The following UBE2F variants were observed in gnomAD, a reference collection of about 807,000 sequenced individuals.
The protein encoded by UBE2F is ubiquitin conjugating enzyme E2 F (putative).
Under a neutral mutation model 29.6 loss-of-function variants are expected in UBE2F, and 5 were observed. The ratio of observed to expected loss-of-function variants is 0.17; its 90% CI spans 0.09 to 0.36. The LOEUF is 0.36. UBE2F is among the 10% of genes least tolerant of loss of function. The pLI, the probability that UBE2F is intolerant of heterozygous loss-of-function variation, is 1.00. For missense variants in UBE2F, 141 were observed against 228.5 expected, an observed-to-expected ratio of 0.62 and a Z score of 2.47; for synonymous variants, 66 against 81.8, an observed-to-expected ratio of 0.81 and a Z score of 1.04.
intron 7 of UBE2F, among the ~76,000 whole-genome samples, chr2:238,031,806 C>T (rs903023920): frequency 6.6e-6 from 1 of 152,210 alleles, no homozygotes; most frequent in Non-Finnish European, 1.5e-5. Context: ...AACTTATCTA[C>T]GACCGCAAGA....
At chr2:237,994,401 A>G (rs2063649399) in intron 3 of UBE2F, among the ~76,000 whole-genome samples, 2 of 152,162 alleles carry the variant, frequency 1.3e-5, no homozygotes, top group Admixed American at 6.5e-5. Flanking sequence ...GCCTGCATGT[A>G]TTAATCTCCC....
Position 237,967,935 on chromosome 2 carries a change from G to T in UBE2F, c.-17+803G>T, listed in dbSNP as rs2063093966. ...ACTCTGCATTCCCGACCGCCTGGAA[G>T]TGGGGGCAGGATGGGTTGGAATAGC... On this transcript the variant is annotated intron_variant, in intron 1 of 9. Transcript: ENST00000272930. This position sits in a 1 kb window ranked among gnomAD's most constrained non-coding sequence, Gnocchi z 6.3. 6.6e-6 allele frequency among the ~76,000 whole-genome samples: 1 copy of T among 152,294 alleles called. No individual in the cohort carries two copies. Among genetic ancestry groups the T allele is most frequent in the South Asian group, 2.1e-4 (1 of 4,824 alleles).
intron 2 of UBE2F, among the ~76,000 whole-genome samples, chr2:237,977,790 A>G (rs1387710387): frequency 6.6e-6 from 1 of 152,142 alleles, no homozygotes; most frequent in Non-Finnish European, 1.5e-5. Context: ...CAGAAAGATT[A>G]CTATAGTCAG....
At chr2:238,023,324 A>T (rs1275946801) in intron 5 of UBE2F, among the ~76,000 whole-genome samples, 1 of 152,206 alleles carries the variant, frequency 6.6e-6, no homozygotes, top group African/African-American at 2.4e-5. Context: ...AGAAAAGCAC[A>T]ATGTGAAATT....
At chr2:237,983,447 G>T (rs1289131603) in intron 2 of UBE2F, among the ~76,000 whole-genome samples, 1 of 152,106 alleles carries the variant, frequency 6.6e-6, no homozygotes, top group African/African-American at 2.4e-5. Context: ...GCCCTAGAAT[G>T]AGTGCATTTA....
At chr2:238,020,834 A>G (rs757878845) in intron 5 of UBE2F, among the ~76,000 whole-genome samples, 1 of 152,202 alleles carries the variant, frequency 6.6e-6, no homozygotes, top group Admixed American at 6.5e-5. Context: ...CGTGTCAGAC[A>G]CTGGAGGGCC....
At chr2:238,039,304 GA>G (rs1268886675) in intron 9 of UBE2F, among the ~76,000 whole-genome samples, 2 of 152,214 alleles carry the variant, frequency 1.3e-5, no homozygotes, top group Non-Finnish European at 2.9e-5. Context: ...GTGAGGTGGA[GA>G]GGGGGCCACA....
In UBE2F at chr2:238,025,101, C is replaced by T. The variant is rs149475009; in HGVS notation, c.283-241C>T. On this transcript the variant is annotated intron_variant, in intron 5 of 9. Transcript: ENST00000272930. ...CACATGGGGCTTGTAGAGAGGTGCT[C>T]AGAAGCCCACGGGTAGACTTTGCTG... is the stretch of plus-strand genomic sequence containing the variant. Among the ~76,000 whole-genome samples, 3 of 152,278 alleles carry T rather than the reference C, an allele frequency of 2.0e-5. No homozygotes were observed. In the East Asian group the frequency reaches 5.8e-4, roughly 29 times the overall value.
Position 237,967,066 on chromosome 2 carries a change from C to T in UBE2F, c.-83C>T, listed in dbSNP as rs2063068818. 6.0e-6 allele frequency: 8 copies of T among 1,325,150 alleles called. No homozygotes were observed. The highest frequency in any genetic ancestry group is 1.9e-5 in the South Asian group (1 of 52,940). 82.1% of individuals were successfully genotyped at this position (1,325,150 alleles called of 1,614,324 possible). A position where few individuals can be genotyped will look rare whatever the true frequency, so the allele number is the denominator to read the frequency against. On this transcript the variant is annotated 5_prime_UTR_variant, in exon 1 of 10. Coordinates refer to ENST00000272930, the MANE Select transcript of UBE2F (RefSeq NM_080678.3). The surrounding 1 kb of genome is among the most constrained non-coding windows in gnomAD (Gnocchi z 6.3). ...TGCGGCTGTGAGGGGCCGCGTCTCG[C>T]AGCAGCCGCCCGGACCGGGCATGGT...
intron 4 of UBE2F, among the ~76,000 whole-genome samples, chr2:237,996,925 T>C (rs1456426782): frequency 5.3e-5 from 8 of 152,154 alleles, no homozygotes. Flanking sequence ...TCTATCAGAT[T>C]AAAAAGTAAC....
At chr2:237,991,429 C>T (rs1012925847) in intron 3 of UBE2F, among the ~76,000 whole-genome samples, 1 of 151,918 alleles carries the variant, frequency 6.6e-6, no homozygotes, top group Non-Finnish European at 1.5e-5. Flanking sequence ...AAGTTTTTAG[C>T]GGTTTCTCTG....
chr2:237,978,761 G>T lies in UBE2F; in HGVS notation c.118+5536G>T, dbSNP rs114457030. Among the ~76,000 whole-genome samples, 378 of 152,286 alleles carry T rather than the reference G, an allele frequency of 2.5e-3. 3 individuals are homozygous for T. The highest frequency in any genetic ancestry group is 5.2e-3 in the Admixed American group (80 of 15,304). On this transcript the variant is annotated intron_variant, in intron 2 of 9. Coordinates refer to ENST00000272930, the MANE Select transcript of UBE2F (RefSeq NM_080678.3). ...TCACTGAGGAGAGAGAGTCAGATCTGCATTTGAGCTGGCCCTGACTTGGGT... is the reference window on the plus strand; with the variant it reads ...TCACTGAGGAGAGAGAGTCAGATCTTCATTTGAGCTGGCCCTGACTTGGGT...
intron 2 of UBE2F, among the ~76,000 whole-genome samples, chr2:237,976,874 T>A (rs183435247): frequency 3.9e-5 from 6 of 152,312 alleles, no homozygotes; most frequent in Non-Finnish European, 4.4e-5. Flanking sequence ...AGACTCAGGT[T>A]AAGAAACTTG....
intron 2 of UBE2F, among the ~76,000 whole-genome samples, chr2:237,979,309 A>G (rs1274969328): frequency 1.3e-5 from 2 of 152,198 alleles, no homozygotes; most frequent in African/African-American, 2.4e-5. Flanking sequence ...CCCAGTGTCT[A>G]GGATGCAGGG....
chr2:237,967,655 C>A lies in UBE2F; in HGVS notation c.-17+523C>A, dbSNP rs1462208548. Among the ~76,000 whole-genome samples the A allele has an allele frequency of 6.6e-6, 1 of 152,164 alleles. No homozygotes were observed. The highest frequency in any genetic ancestry group is 1.5e-5 in the Non-Finnish European group (1 of 68,028). ...GGAGCGGGGGAGGTGAGGGGAGTGACAACTCGCGCCCGGTCCTCGTACCTG... is the reference window on the plus strand; with the variant it reads ...GGAGCGGGGGAGGTGAGGGGAGTGAAAACTCGCGCCCGGTCCTCGTACCTG... On this transcript the variant is annotated intron_variant, in intron 1 of 9. Coordinates refer to ENST00000272930, the MANE Select transcript of UBE2F (RefSeq NM_080678.3). The surrounding 1 kb of genome is among the most constrained non-coding windows in gnomAD (Gnocchi z 6.3).
chr2:237,968,766 G>C, intron 1 of UBE2F: 3 of 812,848 alleles, frequency 3.7e-6, no homozygotes, highest in Non-Finnish European at 4.5e-6. Flanking sequence ...TTTAGAAACT[G>C]AGAATGCTGT....
In UBE2F at chr2:238,040,058, C is replaced by T. The variant is rs552152904; in HGVS notation, c.508-1230C>T. 3.3e-5 allele frequency among the ~76,000 whole-genome samples: 5 copies of T among 152,178 alleles called. No individual in the cohort carries two copies. The highest frequency in any genetic ancestry group is 6.5e-5 in the Admixed American group (1 of 15,280). ...AACGCCATCCTGTAGACAAATAGGG[C>T]GGTTGGCAGGGCAGAGGCACCTGGG... On this transcript the variant is annotated intron_variant, in intron 9 of 9. Coordinates refer to ENST00000272930, the MANE Select transcript of UBE2F (RefSeq NM_080678.3). The surrounding 1 kb of genome is among the most constrained non-coding windows in gnomAD (Gnocchi z 4.4).
At chr2:238,000,933 C>A (rs1325198110) in intron 4 of UBE2F, among the ~76,000 whole-genome samples, 1 of 151,902 alleles carries the variant, frequency 6.6e-6, no homozygotes, top group African/African-American at 2.4e-5. Flanking sequence ...TGTTTGCTAC[C>A]TGTATATCTT....
chr2:238,039,865 GTCT>G (rs2064802267), intron 9 of UBE2F, among the ~76,000 whole-genome samples: 1 of 152,218 alleles, frequency 6.6e-6, no homozygotes, highest in Non-Finnish European at 1.5e-5. Context: ...CATTTATGGG[GTCT>G]TCATTTTACA....
Sources: gnomAD v4.1 joint callset for allele counts (sites outside exome capture counted in the v4.1 genomes callset) on GRCh38, gnomAD v4.1.1 for gene constraint, Gnocchi (gnomAD v3.1) non-coding constraint, MANE v1.5 for transcripts, NCBI Gene and HGNC (gene_info 2026-07-23, HGNC 2026-07-21) for gene names.